CDH23: variants seen among roughly 807,000 people sequenced by gnomAD.
CDH23 encodes cadherin related 23, also known as cadherin-23.
Under a neutral mutation model 317.1 loss-of-function variants are expected in CDH23, and 189 were observed. That is an observed-to-expected ratio of 0.60 (90% CI 0.53 to 0.67). The LOEUF (loss-of-function observed/expected upper bound fraction) is 0.67, where lower values mean the gene tolerates loss of function less well. Among genes scored for constraint, CDH23 ranks in the 30% least tolerant of loss-of-function variants. The pLI is 0.00. For missense variants in CDH23, 4,401 were observed against 4,592.4 expected (o/e 0.96, Z 1.20); for synonymous variants, 1,839 against 1,876.8 (o/e 0.98, Z 0.52).
In CDH23 at chr10:71,625,421, A is replaced by AAAAAAAC. The variant is rs778124827; in HGVS notation, c.1134+8031_1134+8032insAAACAAA. ...TAAAAAAAAAAAAAAAAAAAAAAAA[A>AAAAAAAC]AAATGACAAGGAGAAAAGGCCATAT... On this transcript the variant is annotated intron_variant, in intron 11 of 69. Coordinates refer to ENST00000224721, the MANE Select transcript of CDH23 (RefSeq NM_022124.6). Among the ~76,000 whole-genome samples, 823 of 92,306 alleles carry AAAAAAAC rather than the reference A, an allele frequency of 8.9e-3. 47 individuals carry two copies. Among genetic ancestry groups the AAAAAAAC allele is most frequent in the Non-Finnish European group, 0.012 (562 of 45,548 alleles). 60.6% of individuals were successfully genotyped at this position (92,306 alleles called of 152,430 possible).
intron 14 of CDH23, among the ~76,000 whole-genome samples, chr10:71,650,931 A>G (rs74145242): frequency 0.059 from 8,970 of 152,346 alleles, 357 homozygotes; most frequent in African/African-American, 0.11. Flanking sequence ...GAGTAACCTA[A>G]TCATTTATTC....
rs1336924658 is a variant in CDH23, at chr10:71,645,918, G to A, written c.1228G>A (p.Asp410Asn). 1 of 1,613,662 alleles carries A rather than the reference G, an allele frequency of 6.2e-7. No homozygotes were observed. The highest frequency in any genetic ancestry group is 8.5e-7 in the Non-Finnish European group (1 of 1,179,748). ...ISPTSVQGKADIRIRVAIPLD... is the reference protein window; with the variant it reads ...ISPTSVQGKANIRIRVAIPLD... ...CCCGACCTCCGTCCAGGGGAAGGCG[G>A]ACATTCGTATTCGGGTGGCCATCCC... The change falls in exon 13 of 70, where the codon GAC (aspartate) becomes AAC (asparagine). Residue 410 changes from aspartate to asparagine, a missense_variant. Transcript: ENST00000224721.
intron 50 of CDH23, 40 bp downstream of exon 50, chr10:71,798,618 T>G: frequency 1.4e-6 from 2 of 1,479,944 alleles, no homozygotes; most frequent in Non-Finnish European, 1.8e-6. Context: ...GGGGGACATA[T>G]ATCTCTGCTT....
intron 11 of CDH23, among the ~76,000 whole-genome samples, chr10:71,625,417 A>AC (rs1483797374): frequency 1.4e-5 from 2 of 143,694 alleles, no homozygotes; most frequent in Non-Finnish European, 3.1e-5. Flanking sequence ...AAAAAAAAAA[A>AC]AAAAAAATGA....
At chr10:71,563,884 G>A (rs1411665747) in intron 6 of CDH23, among the ~76,000 whole-genome samples, 1 of 152,002 alleles carries the variant, frequency 6.6e-6, no homozygotes, top group South Asian at 2.1e-4. Context: ...CAGTAGCTGG[G>A]ATTACAGGCA....
In CDH23 at chr10:71,807,989, G is replaced by C; in HGVS notation, c.8704G>C (p.Gly2902Arg). Reference protein sequence around the residue: ...RALANDSEDVGQVFTMGSMDG... With the variant: ...RALANDSEDVRQVFTMGSMDG... The stretch of plus-strand genomic sequence containing the variant: ...CCTTGCCAACGACTCTGAAGATGTG[G>C]GCCAGGTCTTCACCATGGGTAGGGC... Residue 2902 changes from glycine to arginine, a missense_variant, in exon 60 of 70, where the codon GGC becomes CGC. Around this residue, in one of 3 missense-constraint regions of CDH23, gnomAD observed 1,144 missense variants for 1,138.2 expected, o/e 1.01. Coordinates refer to ENST00000224721, the MANE Select transcript of CDH23 (RefSeq NM_022124.6). 6.3e-7 allele frequency: 1 copy of C among 1,591,230 alleles called. No homozygotes were observed. The highest frequency in any genetic ancestry group is 8.6e-7 in the Non-Finnish European group (1 of 1,168,342).
chr10:71,803,195 G>A lies in CDH23; in HGVS notation c.7661-14G>A. On this transcript the variant is annotated splice_polypyrimidine_tract_variant and intron_variant, in intron 54 of 69. Coordinates refer to ENST00000224721, the MANE Select transcript of CDH23 (RefSeq NM_022124.6). ...ATGTCTCAACCAGAGCTACTCTCCT[G>A]CTCCCACTGCCAGAGGCCTTCCATG... The A allele has an allele frequency of 1.2e-6, 2 of 1,609,386 alleles. No individual in the cohort carries two copies. The highest frequency in any genetic ancestry group is 1.7e-6 in the Non-Finnish European group (2 of 1,177,366).
Position 71,812,591 on chromosome 10 carries a change from C to G in CDH23, c.9492C>G (p.Asn3164Lys). 1.2e-6 allele frequency: 2 copies of G among 1,613,968 alleles called. No homozygotes were observed. Among genetic ancestry groups the G allele is most frequent in the Non-Finnish European group, 1.7e-6 (2 of 1,179,908 alleles). Residue 3164 changes from asparagine (N) to lysine (K), a missense_variant, in exon 67 of 70, where the codon AAC (asparagine) becomes AAG (lysine). Physicochemically the swap from Asn to Lys is moderately conservative, Grantham distance 94. This residue lies in a region of CDH23 where 1,144 missense variants were observed against 1,138.2 expected (regional missense o/e 1.01). Coordinates refer to ENST00000224721, the MANE Select transcript of CDH23 (RefSeq NM_022124.6). Reference sequence around the variant, plus strand: ...TGAGTGAGATCGCCGACCTGTGGAACAGCCCCACGCGCACCCATGTGAGCC... The same window carrying G: ...TGAGTGAGATCGCCGACCTGTGGAAGAGCCCCACGCGCACCCATGTGAGCC... The part of the protein sequence containing the change: ...ENLSEIADLW[N>K]SPTRTHGTFG...
In CDH23 at chr10:71,743,212, CAA is replaced by C. The variant is rs1839781714; in HGVS notation, c.4845+1293_4845+1294del. 2.0e-5 allele frequency among the ~76,000 whole-genome samples: 3 copies of C among 152,184 alleles called. No homozygotes were observed. In the East Asian group the frequency reaches 5.8e-4, roughly 29 times the overall value. On this transcript the variant is annotated intron_variant, in intron 38 of 69. Transcript: ENST00000224721. Reference sequence around the variant, plus strand: ...AGGAATGAGCTACAAAGTCACACTGCAAAGAGTGTGGTTACAAGGAAGGTGAA... The same window carrying C: ...AGGAATGAGCTACAAAGTCACACTGCAGAGTGTGGTTACAAGGAAGGTGAA...
In CDH23 at chr10:71,566,941, G is replaced by A; in HGVS notation, c.624+5G>A. On this transcript the variant is annotated splice_donor_5th_base_variant and intron_variant, in intron 7 of 69. Transcript: ENST00000224721. ...CAGCTCACGGTCAACGCCACAGTGA[G>A]TCTCCATGCTGGGGCCCCGGCCGTC... The A allele has an allele frequency of 6.2e-7, 1 of 1,610,600 alleles. No homozygotes were observed. The highest frequency in any genetic ancestry group is 8.5e-7 in the Non-Finnish European group (1 of 1,179,436).
chr10:71,501,213 C>T (rs1442144582), intron 3 of CDH23, among the ~76,000 whole-genome samples: 1 of 152,158 alleles, frequency 6.6e-6, no homozygotes, highest in Non-Finnish European at 1.5e-5. Flanking sequence ...GCTAACCCCT[C>T]TGTGTAAGGC....
intron 3 of CDH23, among the ~76,000 whole-genome samples, chr10:71,450,967 TCA>T (rs1850411233): frequency 6.6e-6 from 1 of 152,146 alleles, no homozygotes; most frequent in South Asian, 2.1e-4. Flanking sequence ...ATTTTCATCC[TCA>T]GTTTGTCCAA....
chr10:71,730,392 G>A (rs1301081413), intron 30 of CDH23, 77 bp from the exon 31 acceptor site: 14 of 1,549,958 alleles, frequency 9.0e-6, no homozygotes, highest in Admixed American at 3.7e-5. Flanking sequence ...CACACAAGGC[G>A]GCCACAGTGG....
intron 1 of CDH23, among the ~76,000 whole-genome samples, chr10:71,438,036 A>G (rs1251796539): frequency 3.3e-5 from 5 of 152,180 alleles, no homozygotes; most frequent in Non-Finnish European, 5.9e-5. Context: ...TTATTCAAAT[A>G]CATCTTAGAA....
intron 21 of CDH23, among the ~76,000 whole-genome samples, chr10:71,695,003 T>A (rs1020060759): frequency 5.9e-5 from 9 of 152,178 alleles, no homozygotes; most frequent in Non-Finnish European, 1.2e-4. Context: ...CTAATAGGAA[T>A]CAGAGCCCTA....
intron 11 of CDH23, among the ~76,000 whole-genome samples, chr10:71,628,819 G>A (rs984271090): frequency 6.6e-6 from 1 of 152,182 alleles, no homozygotes; most frequent in Non-Finnish European, 1.5e-5. Flanking sequence ...TTTCAGCATC[G>A]AAGTTGTCAC....
chr10:71,804,832 C>T (rs1841663695), intron 55 of CDH23, among the ~76,000 whole-genome samples: 2 of 152,000 alleles, frequency 1.3e-5, no homozygotes, highest in African/African-American at 4.8e-5. Flanking sequence ...TTTATGTATT[C>T]TTGTCCCCTG....
chr10:71,800,584 A>G (rs1032577699), intron 52 of CDH23, 52 bp from the exon 53 acceptor site: 20 of 1,586,986 alleles, frequency 1.3e-5, no homozygotes, highest in Admixed American at 5.4e-5. Flanking sequence ...TAGGTGCTCA[A>G]TAAATATCTT....
intron 38 of CDH23, chr10:71,773,513 C>T (rs1033734495): frequency 6.1e-5 from 88 of 1,441,896 alleles, no homozygotes; most frequent in Non-Finnish European, 8.2e-5. Flanking sequence ...GGGAAGCCTC[C>T]CGCGACTGAG....
Sources: allele counts gnomAD v4.1 joint callset (sites outside exome capture counted in the v4.1 genomes callset), GRCh38; gene constraint gnomAD v4.1.1; regional missense constraint gnomAD v4.1.1; transcripts MANE v1.5; gene names NCBI Gene and HGNC (gene_info 2026-07-23, HGNC 2026-07-21).